Variants in FAT3 observed in about 807,000 individuals in gnomAD.
FAT3 encodes the protein FAT atypical cadherin 3.
A neutral mutation model predicts 310.2 loss-of-function variants in FAT3; 95 were observed. That is an observed-to-expected ratio of 0.31 (90% CI 0.26 to 0.36). The LOEUF (loss-of-function observed/expected upper bound fraction) is 0.36, where lower values mean the gene tolerates loss of function less well. Among genes scored for constraint, FAT3 ranks in the 10% least tolerant of loss-of-function variants. FAT3 has a pLI of 1.00. For missense variants in FAT3, 5,408 were observed against 5,715.6 expected (o/e 0.95, Z 1.74); for synonymous variants, 2,314 against 2,192.9 (o/e 1.06, Z -1.54).
intron 3 of FAT3, among the ~76,000 whole-genome samples, chr11:92,558,400 T>G (rs11019996): frequency 1.3e-5 from 1 of 78,614 alleles, no homozygotes; most frequent in East Asian, 6.1e-4. Context: ...CGTGTTGTGT[T>G]TATGTGTGTG....
In FAT3 at chr11:92,883,458, A is replaced by C. The variant is rs1384119433; in HGVS notation, c.12937+65A>C. 17 of 1,532,874 alleles carry C rather than the reference A, an allele frequency of 1.1e-5. No homozygotes were observed. In the East Asian group the frequency reaches 3.4e-4, roughly 31 times the overall value. The allele number at this position is 1,532,874 out of a possible 1,614,324, so 95.0% of individuals were successfully genotyped here. On this transcript the variant is annotated intron_variant, in intron 24 of 27. Coordinates refer to ENST00000525166, the MANE Select transcript of FAT3 (RefSeq NM_001367949.2). This position sits in a 1 kb window ranked among gnomAD's most constrained non-coding sequence, Gnocchi z 4.2. Reference sequence around the variant, plus strand: ...AGGGAACCTGCAGGGGCGCTGTGCGAGGACGCTACGGGAAGGGAGAGAGAC... The same window carrying C: ...AGGGAACCTGCAGGGGCGCTGTGCGCGGACGCTACGGGAAGGGAGAGAGAC...
At chr11:92,718,525 T>A (rs1944758683) in intron 4 of FAT3, among the ~76,000 whole-genome samples, 1 of 152,154 alleles carries the variant, frequency 6.6e-6, no homozygotes. Flanking sequence ...CAGAAGGCTG[T>A]CAGCAGTCAA....
chr11:92,436,164 G>A (rs72972427), intron 2 of FAT3, among the ~76,000 whole-genome samples: 3,997 of 151,942 alleles, frequency 0.026, 65 homozygotes, highest in Non-Finnish European at 0.032. Context: ...TCTCACCCAG[G>A]CTGGAGCGTA....
intron 3 of FAT3, among the ~76,000 whole-genome samples, chr11:92,676,308 A>C (rs1207918520): frequency 6.6e-6 from 1 of 152,228 alleles, no homozygotes; most frequent in African/African-American, 2.4e-5. Context: ...ATGTATGATC[A>C]TAATTTATAT....
At chr11:92,320,881 G>C (rs752032322) in intron 1 of FAT3, among the ~76,000 whole-genome samples, 6 of 74,440 alleles carry the variant, frequency 8.1e-5, no homozygotes, top group African/African-American at 1.4e-4. Flanking sequence ...AAAAAAAAAA[G>C]GGGGGGGTAC....
chr11:92,705,520 G>GGT (rs1944269455), intron 4 of FAT3, among the ~76,000 whole-genome samples: 1 of 57,870 alleles, frequency 1.7e-5, no homozygotes, highest in Non-Finnish European at 3.6e-5. Flanking sequence ...GTGTGATAGT[G>GGT]GTGTTGGTGG....
chr11:92,406,775 C>T (rs1426708296), intron 2 of FAT3: 1 of 152,040 alleles, frequency 6.6e-6, no homozygotes, highest in Non-Finnish European at 1.5e-5. Flanking sequence ...TACTAGTTAC[C>T]CAATGTCCAG....
chr11:92,315,191 A>G (rs1311864128), intron 1 of FAT3, among the ~76,000 whole-genome samples: 8 of 150,806 alleles, frequency 5.3e-5, no homozygotes, highest in Non-Finnish European at 8.8e-5. Context: ...GGGTCCTTCT[A>G]TAGCACATCA....
At chr11:92,582,824 G>T (rs1293865899) in intron 3 of FAT3, among the ~76,000 whole-genome samples, 1 of 151,958 alleles carries the variant, frequency 6.6e-6, no homozygotes, top group Non-Finnish European at 1.5e-5. Flanking sequence ...TCCAATAGTT[G>T]GAAAATGCAA....
chr11:92,765,162 AAG>A (rs1946271618), intron 6 of FAT3, 73 bp downstream of exon 6: 65 of 1,296,712 alleles, frequency 5.0e-5, no homozygotes, highest in Non-Finnish European at 6.1e-5. Context: ...AAAAAAAAAA[AAG>A]AAAGAAAGCA....
intron 13 of FAT3, among the ~76,000 whole-genome samples, chr11:92,825,619 T>C (rs1311300925): frequency 6.6e-6 from 1 of 151,926 alleles, no homozygotes; most frequent in Non-Finnish European, 1.5e-5. Context: ...GAAGTGGAGC[T>C]GGAAATGACA....
intron 2 of FAT3, among the ~76,000 whole-genome samples, chr11:92,396,717 T>A (rs2134841266): frequency 6.6e-6 from 1 of 152,258 alleles, no homozygotes; most frequent in African/African-American, 2.4e-5. Flanking sequence ...ATTTATTTAT[T>A]TTTTTTGAGA....
intron 3 of FAT3, among the ~76,000 whole-genome samples, chr11:92,676,523 AC>A (rs1943293727): frequency 6.6e-6 from 1 of 152,188 alleles, no homozygotes; most frequent in African/African-American, 2.4e-5. Context: ...AAAGGGCCAC[AC>A]CTGGAAACCT....
At chr11:92,682,796 G>T (rs1400953303) in intron 3 of FAT3, among the ~76,000 whole-genome samples, 1 of 152,110 alleles carries the variant, frequency 6.6e-6, no homozygotes, top group Admixed American at 6.5e-5. Flanking sequence ...ATGGTATCTG[G>T]GCCAGGTGCG....
intron 19 of FAT3, among the ~76,000 whole-genome samples, chr11:92,852,340 C>G (rs1360807728): frequency 6.6e-6 from 1 of 152,224 alleles, no homozygotes; most frequent in African/African-American, 2.4e-5. Flanking sequence ...ATGATCACAT[C>G]TGTCCCCTGC....
intron 3 of FAT3, among the ~76,000 whole-genome samples, chr11:92,591,639 G>A (rs1313525272): frequency 6.6e-6 from 1 of 152,092 alleles, no homozygotes; most frequent in Admixed American, 6.6e-5. Flanking sequence ...GAGACTAGGA[G>A]GAATACCAAG....
chr11:92,459,825 C>T (rs923805805), intron 2 of FAT3, among the ~76,000 whole-genome samples: 3 of 151,980 alleles, frequency 2.0e-5, no homozygotes, highest in South Asian at 2.1e-4. Context: ...AATAGGAATC[C>T]GGTTGTTGTA....
chr11:92,701,141 C>A (rs1160699499), intron 4 of FAT3, among the ~76,000 whole-genome samples: 2 of 152,144 alleles, frequency 1.3e-5, no homozygotes, highest in African/African-American at 4.8e-5. Flanking sequence ...AACCTTCTGG[C>A]TCTATTTCAT....
chr11:92,411,670 G>A (rs1255405307), intron 2 of FAT3, among the ~76,000 whole-genome samples: 1 of 152,076 alleles, frequency 6.6e-6, no homozygotes, highest in Non-Finnish European at 1.5e-5. Flanking sequence ...ATAGGAGTAG[G>A]CCCTGCAGGA....
Sources: gnomAD v4.1 joint callset for allele counts (sites outside exome capture counted in the v4.1 genomes callset) on GRCh38, gnomAD v4.1.1 for gene constraint, Gnocchi (gnomAD v3.1) non-coding constraint, MANE v1.5 for transcripts, NCBI Gene and HGNC (gene_info 2026-07-23, HGNC 2026-07-21) for gene names.